Variants in BAAT observed in about 807,000 individuals in gnomAD.
The protein encoded by BAAT is bile acid-CoA:amino acid N-acyltransferase, also known as bile acid CoA: amino acid N-acyltransferase (glycine N-choloyltransferase).
BAAT carries 13 observed loss-of-function variants against 18.9 expected under a neutral mutation model. That is an observed-to-expected ratio of 0.69 (90% CI 0.45 to 1.10). The LOEUF (loss-of-function observed/expected upper bound fraction) is 1.10. Among genes scored for constraint, BAAT ranks in the 50% least tolerant of loss-of-function variants. BAAT has a pLI of 0.00. For missense variants in BAAT, 489 were observed against 504.0 expected (o/e 0.97, Z 0.28); for synonymous variants, 170 against 190.7 (o/e 0.89, Z 0.89).
intron 1 of BAAT, among the ~76,000 whole-genome samples, chr9:101,375,162 T>C (rs536801916): frequency 1.3e-5 from 2 of 152,310 alleles, no homozygotes; most frequent in East Asian, 1.9e-4. Context: ...GTTTTATACA[T>C]GGGAGTTCCC....
intron 1 of BAAT, among the ~76,000 whole-genome samples, chr9:101,372,741 C>A (rs1829975791): frequency 6.7e-6 from 1 of 149,270 alleles, no homozygotes; most frequent in East Asian, 2.0e-4. Flanking sequence ...CCATAGGAAA[C>A]AGAAAGTTTT....
At chr9:101,372,349 G>A (rs559133803) in intron 1 of BAAT, among the ~76,000 whole-genome samples, 2 of 151,104 alleles carry the variant, frequency 1.3e-5, no homozygotes, top group African/African-American at 4.9e-5. Flanking sequence ...TAAAATCTTT[G>A]GAAAGAACAA....
Position 101,362,870 on chromosome 9 carries a change from C to T in BAAT, c.815G>A (p.Gly272Asp). 2 of 1,614,068 alleles carry T rather than the reference C, an allele frequency of 1.2e-6. No individual in the cohort carries two copies. Among genetic ancestry groups the T allele is most frequent in the Middle Eastern group, 1.6e-4 (1 of 6,062 alleles). ...FPFGIPQVYH[G>D]QIHQPLPHSA... is the part of the protein sequence containing the mutation. Reference sequence around the variant, plus strand: ...ATGGGGAAGGGGCTGATGGATCTGACCATGATATACCTGTGGAATGCCAAA... The same window carrying T: ...ATGGGGAAGGGGCTGATGGATCTGATCATGATATACCTGTGGAATGCCAAA... The change falls in exon 4 of 4, where the codon GGT becomes GAT. Residue 272 changes from glycine (G) to aspartate (D), a missense_variant. Gly to Asp is a moderately conservative substitution (Grantham distance 94). Transcript: ENST00000259407.
intron 2 of BAAT, among the ~76,000 whole-genome samples, chr9:101,370,320 C>CTT (rs749077224): frequency 1.7e-3 from 180 of 103,638 alleles, no homozygotes; most frequent in Non-Finnish European, 2.5e-3. Context: ...ATGCATTATC[C>CTT]TTTTTTTTTT....
At chr9:101,372,873 G>C (rs1290615727) in intron 1 of BAAT, among the ~76,000 whole-genome samples, 1 of 152,156 alleles carries the variant, frequency 6.6e-6, no homozygotes, top group East Asian at 1.9e-4. Context: ...GGATTGGTTT[G>C]ATAAACTAGA....
At chr9:101,374,160 C>A (rs1457957923) in intron 1 of BAAT, among the ~76,000 whole-genome samples, 1 of 152,154 alleles carries the variant, frequency 6.6e-6, no homozygotes, top group Admixed American at 6.5e-5. Flanking sequence ...AGACTCAAGA[C>A]TACACTAAAT....
chr9:101,379,751 G>A (rs958695292), intron 1 of BAAT, among the ~76,000 whole-genome samples: 13 of 152,166 alleles, frequency 8.5e-5, no homozygotes, highest in Middle Eastern at 3.4e-3. Context: ...AGACAAACCC[G>A]GTTTTAATTT....
chr9:101,368,239 G>C lies in BAAT; in HGVS notation c.550C>G (p.Arg184Gly). 6.2e-7 allele frequency: 1 copy of C among 1,613,834 alleles called. No individual in the cohort carries two copies. The highest frequency in any genetic ancestry group is 1.1e-5 in the South Asian group (1 of 91,068). The change falls in exon 3 of 4, where the codon CGT becomes GGT. Residue 184 changes from arginine (R) to glycine (G), a missense_variant. Arg to Gly is a moderately radical substitution (Grantham distance 125, BLOSUM62 -2). Coordinates refer to ENST00000259407, the MANE Select transcript of BAAT (RefSeq NM_001701.4). ...GCCAAGGCCAAGGAGGCGAAGCCAC[G>C]ACTGGCTAGGAGGCTGGCCCGAAAT... ...LEFRASLLASRGFASLALAYH... is the reference protein window; with the variant it reads ...LEFRASLLASGGFASLALAYH...
chr9:101,368,209 G>A lies in BAAT; in HGVS notation c.580C>T (p.His194Tyr), dbSNP rs1383022049. 2 of 1,614,140 alleles carry A rather than the reference G, an allele frequency of 1.2e-6. No homozygotes were observed. The highest frequency in any genetic ancestry group is 8.5e-7 in the Non-Finnish European group (1 of 1,179,988). ...TTGCGGGGCAGGTCTTCATAGTTAT[G>A]GTAAGCCAAGGCCAAGGAGGCGAAG... The part of the protein sequence containing the change: ...RGFASLALAY[H>Y]NYEDLPRKPE... The change falls in exon 3 of 4, where the codon CAT becomes TAT. Residue 194 changes from histidine (H) to tyrosine (Y), a missense_variant. His to Tyr is a moderately conservative substitution (Grantham distance 83). Coordinates refer to ENST00000259407, the MANE Select transcript of BAAT (RefSeq NM_001701.4).
In BAAT at chr9:101,362,218, T is replaced by C. The variant is rs1829738201; in HGVS notation, c.*210A>G. ...CATGTAAATAATAAGTAAAATGATTTGTTTTATGATTTATTCACCATGTCC... is the reference window on the plus strand; with the variant it reads ...CATGTAAATAATAAGTAAAATGATTCGTTTTATGATTTATTCACCATGTCC... On this transcript the variant is annotated 3_prime_UTR_variant, in exon 4 of 4. Transcript: ENST00000259407. 1.6e-6 allele frequency: 1 copy of C among 621,552 alleles called. No individual in the cohort carries two copies. The highest frequency in any genetic ancestry group is 2.8e-6 in the Non-Finnish European group (1 of 356,760). The allele number at this position is 621,552 out of a possible 1,614,324, so 38.5% of individuals were successfully genotyped here.
intron 1 of BAAT, among the ~76,000 whole-genome samples, chr9:101,376,882 C>A (rs1160473564): frequency 6.6e-6 from 1 of 152,110 alleles, no homozygotes; most frequent in Non-Finnish European, 1.5e-5. Flanking sequence ...CATTAATGGG[C>A]ATTAGGTAGA....
intron 1 of BAAT, among the ~76,000 whole-genome samples, chr9:101,381,503 T>C (rs1830132320): frequency 6.6e-6 from 1 of 152,074 alleles, no homozygotes; most frequent in East Asian, 1.9e-4. Context: ...AAGAGCTGAC[T>C]CCACCTTGGG....
chr9:101,365,413 G>A (rs1829809604), intron 3 of BAAT, among the ~76,000 whole-genome samples: 1 of 152,020 alleles, frequency 6.6e-6, no homozygotes, highest in Admixed American at 6.5e-5. Flanking sequence ...AATGGAATGA[G>A]TCATATATAC....
chr9:101,368,109 A>G lies in BAAT; in HGVS notation c.669+11T>C. On this transcript the variant is annotated intron_variant, in intron 3 of 3. Coordinates refer to ENST00000259407, the MANE Select transcript of BAAT (RefSeq NM_001701.4). The stretch of plus-strand genomic sequence containing the variant: ...CCAGGGACTCAAACCTACTGAAAAG[A>G]CAAAAATTACCTTTGGATGTCTCAG... The G allele has an allele frequency of 6.2e-7, 1 of 1,611,858 alleles. No homozygotes were observed. Among genetic ancestry groups the G allele is most frequent in the Non-Finnish European group, 8.5e-7 (1 of 1,177,932 alleles).
chr9:101,366,334 C>T (rs1364465352), intron 3 of BAAT, among the ~76,000 whole-genome samples: 1 of 152,156 alleles, frequency 6.6e-6, no homozygotes, highest in Non-Finnish European at 1.5e-5. Context: ...GTTACAACTT[C>T]TACCACAAAA....
intron 1 of BAAT, among the ~76,000 whole-genome samples, chr9:101,372,427 A>G (rs1251336821): frequency 6.6e-6 from 1 of 152,154 alleles, no homozygotes; most frequent in Non-Finnish European, 1.5e-5. Context: ...GATTTACCCA[A>G]AGGAAAGCAA....
intron 2 of BAAT, 67 bp downstream of exon 2, chr9:101,370,872 T>G: frequency 6.5e-7 from 1 of 1,536,136 alleles, no homozygotes; most frequent in East Asian, 2.3e-5. Context: ...CAAGCTAAAT[T>G]TCTAGACGGA....
intron 1 of BAAT, among the ~76,000 whole-genome samples, chr9:101,381,800 AAT>A (rs1271659559): frequency 2.0e-5 from 3 of 152,192 alleles, no homozygotes; most frequent in African/African-American, 7.2e-5. Context: ...GTAAACATTG[AAT>A]ATGTTTCCTG....
chr9:101,366,410 T>C (rs1230953585), intron 3 of BAAT, among the ~76,000 whole-genome samples: 1 of 152,166 alleles, frequency 6.6e-6, no homozygotes, highest in Non-Finnish European at 1.5e-5. Flanking sequence ...AAATAAGACC[T>C]GCAAGAAAGA....
Sources: allele counts gnomAD v4.1 joint callset (sites outside exome capture counted in the v4.1 genomes callset), GRCh38; gene constraint gnomAD v4.1.1; transcripts MANE v1.5; gene names NCBI Gene and HGNC (gene_info 2026-07-23, HGNC 2026-07-21).